Variants in UBXN4 observed in about 807,000 individuals in gnomAD.
The protein encoded by UBXN4 is UBX domain-containing protein 4.
A neutral mutation model predicts 66.2 loss-of-function variants in UBXN4; 35 were observed. The ratio of observed to expected loss-of-function variants is 0.53; its 90% confidence interval spans 0.40 to 0.70. The LOEUF (loss-of-function observed/expected upper bound fraction) is 0.70, where lower values mean the gene tolerates loss of function less well. Among genes scored for constraint, UBXN4 ranks in the 30% least tolerant of loss-of-function variants. UBXN4 has a pLI of 0.00. For synonymous variants in UBXN4, 203 were observed against 204.5 expected (o/e 0.99, Z 0.06); for missense variants, 533 against 599.8 (o/e 0.89, Z 1.16).
intron 1 of UBXN4, 156 bp from the exon 2 acceptor site, chr2:135,748,110 TC>T (rs2105491430): frequency 2.0e-6 from 1 of 490,814 alleles, no homozygotes; most frequent in Non-Finnish European, 3.5e-6. Flanking sequence ...GTGTATGCAG[TC>T]ACACTTTTCA....
At chr2:135,744,781 T>A (rs545381240) in intron 1 of UBXN4, among the ~76,000 whole-genome samples, 14 of 152,314 alleles carry the variant, frequency 9.2e-5, no homozygotes, top group African/African-American at 2.9e-4. Context: ...ACTTTATAGT[T>A]GATAATTTGA....
intron 2 of UBXN4, among the ~76,000 whole-genome samples, chr2:135,749,494 A>G (rs2077229271): frequency 6.6e-6 from 1 of 152,298 alleles, no homozygotes; most frequent in Admixed American, 6.5e-5. Flanking sequence ...CTTGTCTACT[A>G]GCTTTGGTAA....
intron 5 of UBXN4, among the ~76,000 whole-genome samples, chr2:135,758,225 C>T (rs1393333980): frequency 6.6e-6 from 1 of 151,958 alleles, no homozygotes; most frequent in Admixed American, 6.6e-5. Flanking sequence ...CAGGCATGCG[C>T]CACCATGCCT....
intron 9 of UBXN4, among the ~76,000 whole-genome samples, 188 bp downstream of exon 9, chr2:135,772,735 T>G (rs976647878): frequency 6.6e-6 from 1 of 151,986 alleles, no homozygotes; most frequent in Non-Finnish European, 1.5e-5. Context: ...ACTACATAAA[T>G]AACTTTAAAA....
chr2:135,751,337 C>T (rs2077240836), intron 2 of UBXN4, among the ~76,000 whole-genome samples: 1 of 151,642 alleles, frequency 6.6e-6, no homozygotes, highest in Non-Finnish European at 1.5e-5. Flanking sequence ...TAGGCGCCCA[C>T]CACCATGCCT....
At chr2:135,770,513 A>G (rs1366757813) in intron 7 of UBXN4, 58 bp from the exon 8 acceptor site, 2 of 1,217,318 alleles carry the variant, frequency 1.6e-6, no homozygotes, top group African/African-American at 1.6e-5. Context: ...TGCATTCAAA[A>G]TAATATCTGG....
chr2:135,758,718 A>G (rs1490761597), intron 5 of UBXN4, among the ~76,000 whole-genome samples: 4 of 152,190 alleles, frequency 2.6e-5, no homozygotes, highest in Non-Finnish European at 5.9e-5. Flanking sequence ...AATATAAGAA[A>G]GGAATATAAA....
At chr2:135,773,994 A>C (rs1304929870) in intron 9 of UBXN4, among the ~76,000 whole-genome samples, 1 of 152,210 alleles carries the variant, frequency 6.6e-6, no homozygotes, top group Non-Finnish European at 1.5e-5. Flanking sequence ...ACTCCTATCA[A>C]AATTCCAGCT....
At chr2:135,776,153 C>A in intron 9 of UBXN4, 96 bp from the exon 10 acceptor site, 1 of 960,328 alleles carries the variant, frequency 1.0e-6, no homozygotes, top group South Asian at 1.6e-5. Flanking sequence ...AAACTATTGT[C>A]ATTGCACATT....
At chr2:135,745,526 C>G (rs1302689991) in intron 1 of UBXN4, among the ~76,000 whole-genome samples, 1 of 152,096 alleles carries the variant, frequency 6.6e-6, no homozygotes, top group African/African-American at 2.4e-5. Flanking sequence ...CAGACAATGT[C>G]TCATTTGGTT....
chr2:135,745,263 A>G (rs1479238838), intron 1 of UBXN4, among the ~76,000 whole-genome samples: 5 of 147,382 alleles, frequency 3.4e-5, no homozygotes, highest in Non-Finnish European at 7.5e-5. Flanking sequence ...TCCAAATCAC[A>G]TAGGCCTTTC....
chr2:135,760,142 A>C (rs2077306372), intron 5 of UBXN4, among the ~76,000 whole-genome samples: 1 of 152,178 alleles, frequency 6.6e-6, no homozygotes, highest in Non-Finnish European at 1.5e-5. Flanking sequence ...TGGGTCACCC[A>C]TAAAGTTACA....
At chr2:135,781,325 A>G (rs571726381) in intron 12 of UBXN4, among the ~76,000 whole-genome samples, 12 of 152,240 alleles carry the variant, frequency 7.9e-5, no homozygotes, top group Non-Finnish European at 1.8e-4. Flanking sequence ...AAGATTTTAT[A>G]TACTTGAAAC....
intron 6 of UBXN4, among the ~76,000 whole-genome samples, chr2:135,767,802 C>T (rs2105503298): frequency 6.6e-6 from 1 of 152,330 alleles, no homozygotes; most frequent in East Asian, 1.9e-4. Context: ...CTGGGTTATA[C>T]ATAGTGATCA....
At chr2:135,773,533 G>A (rs960672481) in intron 9 of UBXN4, among the ~76,000 whole-genome samples, 2 of 152,164 alleles carry the variant, frequency 1.3e-5, no homozygotes, top group Non-Finnish European at 2.9e-5. Flanking sequence ...CTGGTTGGAG[G>A]AGGTGACATG....
chr2:135,765,014 A>G (rs1575319695), intron 6 of UBXN4, among the ~76,000 whole-genome samples: 1 of 151,964 alleles, frequency 6.6e-6, no homozygotes, highest in Admixed American at 6.6e-5. Flanking sequence ...GGGGTTTGCC[A>G]TGTTGGCCAG....
At position 135,761,867 on chromosome 2, in the gene UBXN4, C is replaced by T. The variant is rs2077318218; in HGVS notation, c.558C>T (p.Cys186=). ...CTTCCTCTCAGGAGCCTAGTGGATG[C>T]TCAGATCAGAGACCTGCAGAGGACC... The part of the protein sequence containing the change: ...HATSSQEPSG[C]SDQRPAEDLN... The change falls in exon 6 of 13, where the codon TGC becomes TGT. Residue 186 remains cysteine (C), a synonymous_variant. Transcript: ENST00000272638. The T allele has an allele frequency of 6.2e-7, 1 of 1,613,570 alleles. No homozygotes were observed. Among genetic ancestry groups the T allele is most frequent in the Non-Finnish European group, 8.5e-7 (1 of 1,179,892 alleles).
At chr2:135,743,278 T>G (rs2077188805) in intron 1 of UBXN4, among the ~76,000 whole-genome samples, 1 of 152,242 alleles carries the variant, frequency 6.6e-6, no homozygotes, top group African/African-American at 2.4e-5. Flanking sequence ...TTGAATAGTT[T>G]AGATTCTGTG....
intron 4 of UBXN4, among the ~76,000 whole-genome samples, chr2:135,755,169 A>T (rs1256369993): frequency 2.0e-5 from 3 of 152,150 alleles, no homozygotes; most frequent in Non-Finnish European, 2.9e-5. Flanking sequence ...GGCTCTAACT[A>T]TATATTGCTT....
Sources: gnomAD v4.1 joint callset for allele counts (sites outside exome capture counted in the v4.1 genomes callset) on GRCh38, gnomAD v4.1.1 for gene constraint, MANE v1.5 for transcripts, NCBI Gene and HGNC (gene_info 2026-07-23, HGNC 2026-07-21) for gene names.